The following RPRD1A variants were observed in gnomAD, a reference collection of about 807,000 sequenced individuals.
RPRD1A encodes the protein regulation of nuclear pre-mRNA domain-containing protein 1A.
RPRD1A carries 9 observed loss-of-function variants against 37.8 expected under a neutral mutation model. That is an observed-to-expected ratio of 0.24 (90% CI 0.14 to 0.42). RPRD1A has a LOEUF of 0.42. RPRD1A is among the 10% of genes least tolerant of loss of function. RPRD1A has a pLI of 1.00. For missense variants in RPRD1A, 255 were observed against 371.0 expected, an observed-to-expected ratio of 0.69 and a Z score of 2.57; for synonymous variants, 138 against 139.7, an observed-to-expected ratio of 0.99 and a Z score of 0.08.
chr18:36,024,120 CTATTT>C (rs990110933), intron 6 of RPRD1A, among the ~76,000 whole-genome samples: 1 of 151,744 alleles, frequency 6.6e-6, no homozygotes, highest in African/African-American at 2.4e-5. Context: ...TATTAATAGT[CTATTT>C]TAACAGTTAT....
At chr18:36,022,763 A>G (rs1911077972) in intron 6 of RPRD1A, among the ~76,000 whole-genome samples, 1 of 152,072 alleles carries the variant, frequency 6.6e-6, no homozygotes, top group African/African-American at 2.4e-5. Flanking sequence ...AGAGTTCAAG[A>G]CTAGCCTGGG....
chr18:35,993,683 T>A (rs1270353161), intron 6 of RPRD1A, among the ~76,000 whole-genome samples: 2 of 152,174 alleles, frequency 1.3e-5, no homozygotes, highest in Admixed American at 1.3e-4. Flanking sequence ...CCAGAGTCTG[T>A]GGTGTCTGAA....
At chr18:36,052,438 CTTT>C (rs1359699289) in intron 1 of RPRD1A, among the ~76,000 whole-genome samples, 1 of 152,024 alleles carries the variant, frequency 6.6e-6, no homozygotes. Flanking sequence ...TGTCACTTCT[CTTT>C]TTGTTTCCTA....
At chr18:36,016,608 T>C (rs1910597192) in intron 6 of RPRD1A, among the ~76,000 whole-genome samples, 1 of 152,212 alleles carries the variant, frequency 6.6e-6, no homozygotes, top group South Asian at 2.1e-4. Context: ...TAGGAATTTA[T>C]GAGAAGACTA....
intron 1 of RPRD1A, among the ~76,000 whole-genome samples, chr18:36,048,419 A>G (rs1913119995): frequency 6.6e-6 from 1 of 152,178 alleles, no homozygotes; most frequent in African/African-American, 2.4e-5. Flanking sequence ...CAACATATAA[A>G]AAGAATTTTA....
At chr18:36,003,353 T>G (rs17562912) in intron 6 of RPRD1A, among the ~76,000 whole-genome samples, 7,486 of 152,318 alleles carry the variant, frequency 0.049, 227 homozygotes, top group Middle Eastern at 0.078. Context: ...GTTCAGTGCT[T>G]TCTCCCATTA....
chr18:36,004,400 G>A (rs572320516), intron 6 of RPRD1A, among the ~76,000 whole-genome samples: 8 of 151,956 alleles, frequency 5.3e-5, no homozygotes, highest in Admixed American at 3.3e-4. Flanking sequence ...GACTACAGGC[G>A]CACACCACCA....
intron 6 of RPRD1A, among the ~76,000 whole-genome samples, chr18:36,020,516 G>A (rs1342469492): frequency 2.6e-5 from 4 of 152,160 alleles, no homozygotes; most frequent in Non-Finnish European, 5.9e-5. Flanking sequence ...ACATGAATCA[G>A]CAATTTCATC....
intron 1 of RPRD1A, among the ~76,000 whole-genome samples, chr18:36,039,711 G>A (rs1488472183): frequency 6.6e-6 from 1 of 152,126 alleles, no homozygotes; most frequent in Admixed American, 6.5e-5. Context: ...TATGAAGACT[G>A]AATTTAAAAC....
At chr18:36,039,890 A>G (rs1912461445) in intron 1 of RPRD1A, among the ~76,000 whole-genome samples, 1 of 140,950 alleles carries the variant, frequency 7.1e-6, no homozygotes, top group Non-Finnish European at 1.5e-5. Context: ...ACACACACAC[A>G]AACAGAAATA....
At chr18:36,024,609 C>A (rs954787123) in intron 6 of RPRD1A, among the ~76,000 whole-genome samples, 1 of 152,130 alleles carries the variant, frequency 6.6e-6, no homozygotes, top group African/African-American at 2.4e-5. Flanking sequence ...ATGGCCAATT[C>A]CCGAACTGAT....
rs183590887 is a variant in RPRD1A, at chr18:35,993,942, G to C, written c.790-642C>G. On this transcript the variant is annotated intron_variant, in intron 6 of 6. Transcript: ENST00000399022. ...CTGGAAAAGAAGTTCCTTCTTATGC[G>C]TGGAGGACTGAGAATACTTGGGCCC... 2.2e-4 allele frequency among the ~76,000 whole-genome samples: 33 copies of C among 152,284 alleles called. No individual in the cohort carries two copies. The East Asian group carries it at 6.4e-3, about 29-fold the overall frequency.
rs187650128 is a variant in RPRD1A at position 36,004,828 on chromosome 18, G to T, written c.790-11528C>A. Among the ~76,000 whole-genome samples, 5 of 152,218 alleles carry T rather than the reference G, an allele frequency of 3.3e-5. No homozygotes were observed. In the East Asian group the frequency reaches 9.7e-4, roughly 29 times the overall value. ...TGAGGCAGGAGAATCACTTGAACCT[G>T]GGAGGCAGAGGTTGCAGTGAGCCAA... is the stretch of plus-strand genomic sequence containing the variant. On this transcript the variant is annotated intron_variant, in intron 6 of 6. Transcript: ENST00000399022.
At chr18:36,058,087 A>G (rs1336167275) in intron 1 of RPRD1A, among the ~76,000 whole-genome samples, 2 of 152,230 alleles carry the variant, frequency 1.3e-5, no homozygotes, top group African/African-American at 4.8e-5. Context: ...TCTGTTGCCC[A>G]GGCCAGACTG....
In RPRD1A at chr18:36,008,577, G is replaced by GTGTGTGTATGTATATA; in HGVS notation, c.790-15278_790-15277insTATATACATACACACA. Among the ~76,000 whole-genome samples the GTGTGTGTATGTATATA allele has an allele frequency of 2.3e-4, 11 of 47,794 alleles. 1 individual carries two copies. The highest frequency in any genetic ancestry group is 6.8e-4 in the African/African-American group (10 of 14,804). 31.4% of individuals were successfully genotyped at this position (47,794 alleles called of 152,430 possible). ...GGCGACACAGCAAGACCTTGTGTGT[G>GTGTGTGTATGTATATA]TATATATATATATCTTTAAAAATCT... On this transcript the variant is annotated intron_variant, in intron 6 of 6. Transcript: ENST00000399022.
At chr18:36,015,823 T>G (rs771954025) in intron 6 of RPRD1A, among the ~76,000 whole-genome samples, 13 of 152,116 alleles carry the variant, frequency 8.5e-5, no homozygotes, top group Non-Finnish European at 1.5e-4. Flanking sequence ...AAATGAGAAA[T>G]TGTTGAATGG....
At chr18:36,008,577 G>GTGTGTATGTATATATA in intron 6 of RPRD1A, among the ~76,000 whole-genome samples, 5 of 47,802 alleles carry the variant, frequency 1.0e-4, no homozygotes, top group Non-Finnish European at 2.1e-4. Context: ...CCTTGTGTGT[G>GTGTGTATGTATATATA]TATATATATA....
At chr18:36,045,009 G>T (rs569251515) in intron 1 of RPRD1A, among the ~76,000 whole-genome samples, 56 of 152,324 alleles carry the variant, frequency 3.7e-4, no homozygotes, top group Non-Finnish European at 2.6e-4. Flanking sequence ...GGAGGCCAAA[G>T]TGGGTGGATC....
intron 6 of RPRD1A, among the ~76,000 whole-genome samples, chr18:36,008,645 G>T (rs759923816): frequency 1.5e-5 from 2 of 134,774 alleles, no homozygotes; most frequent in African/African-American, 2.8e-5. Context: ...TATCAATTTT[G>T]ATATACTGAA....
Sources: allele counts gnomAD v4.1 joint callset (sites outside exome capture counted in the v4.1 genomes callset), GRCh38; gene constraint gnomAD v4.1.1; transcripts MANE v1.5; gene names NCBI Gene and HGNC (gene_info 2026-07-23, HGNC 2026-07-21).